Variants in PDK1 observed in about 807,000 individuals in gnomAD.
PDK1 encodes the protein [Pyruvate dehydrogenase (acetyl-transferring)] kinase isozyme 1, mitochondrial.
PDK1 carries 39 observed loss-of-function variants against 54.2 expected under a neutral mutation model. That is an observed-to-expected ratio of 0.72 (90% CI 0.56 to 0.94). PDK1 has a LOEUF of 0.94. PDK1 is among the 40% of genes least tolerant of loss of function. The pLI, the probability that PDK1 is intolerant of heterozygous loss-of-function variation, is 0.00. For missense variants in PDK1, 552 were observed against 566.0 expected, an observed-to-expected ratio of 0.98 and a Z score of 0.25; for synonymous variants, 221 against 207.1, an observed-to-expected ratio of 1.07 and a Z score of -0.58.
chr2:172,706,537 C>T, the PDK1 span, among the ~76,000 whole-genome samples: 5 of 152,014 alleles, frequency 3.3e-5, no homozygotes, highest in Admixed American at 2.6e-4. Flanking sequence ...GTGATCCTCC[C>T]ACTTCAGTAT....
Position 172,556,118 on chromosome 2 carries a change from G to T in PDK1, c.-33G>T. 7.3e-7 allele frequency: 1 copy of T among 1,363,482 alleles called. No individual in the cohort carries two copies. Among genetic ancestry groups the T allele is most frequent in the Admixed American group, 3.9e-5 (1 of 25,818 alleles). The allele number at this position is 1,363,482 out of a possible 1,614,324, so 84.5% of individuals were successfully genotyped here. On this transcript the variant is annotated 5_prime_UTR_variant, in exon 1 of 11. Transcript: ENST00000282077. ...CGGCAGAGGCGCGGGGAAACCTGGC[G>T]TACTGGCTGTGGCTTCTCTAGCGGG...
At chr2:172,654,495 C>T in the PDK1 span, among the ~76,000 whole-genome samples, 1 of 151,280 alleles carries the variant, frequency 6.6e-6, no homozygotes, top group Non-Finnish European at 1.5e-5. Flanking sequence ...TCATTCTGAG[C>T]AAACTATCGC....
intron 6 of PDK1, among the ~76,000 whole-genome samples, chr2:172,568,327 C>CAAAAAAAA (rs11400625): frequency 1.8e-5 from 1 of 57,102 alleles, no homozygotes; most frequent in African/African-American, 6.4e-5. Context: ...GACTCCGTCT[C>CAAAAAAAA]AAAAAAAAAA....
the PDK1 span, among the ~76,000 whole-genome samples, chr2:172,711,071 GCATCCTCTTTAAGC>G: frequency 6.6e-6 from 1 of 152,192 alleles, no homozygotes; most frequent in Non-Finnish European, 1.5e-5. Context: ...AGCTTAGAGA[GCATCCTCTTTAAGC>G]CTAGATTGGA....
the PDK1 span, among the ~76,000 whole-genome samples, chr2:172,621,669 T>C: frequency 6.8e-6 from 1 of 148,126 alleles, no homozygotes. Flanking sequence ...ATATATATGA[T>C]ATATGTTTAT....
At chr2:172,648,614 A>G in the PDK1 span, among the ~76,000 whole-genome samples, 2 of 152,168 alleles carry the variant, frequency 1.3e-5, no homozygotes, top group African/African-American at 2.4e-5. Flanking sequence ...GGTACCTGGA[A>G]AATCAGGACA....
intron 8 of PDK1, among the ~76,000 whole-genome samples, chr2:172,583,478 G>C (rs35240579): frequency 6.6e-6 from 1 of 151,648 alleles, no homozygotes; most frequent in Non-Finnish European, 1.5e-5. Flanking sequence ...ATTTTTAGTA[G>C]AGACAGGGTT....
the PDK1 span, among the ~76,000 whole-genome samples, chr2:172,661,346 C>A: frequency 6.6e-6 from 1 of 152,086 alleles, no homozygotes. Context: ...ATATTGAAAA[C>A]AAAGGTAATA....
At chr2:172,665,417 T>C in the PDK1 span, among the ~76,000 whole-genome samples, 2 of 152,192 alleles carry the variant, frequency 1.3e-5, no homozygotes, top group African/African-American at 4.8e-5. Context: ...GAATGAGAAA[T>C]TATGTTCTGA....
the PDK1 span, among the ~76,000 whole-genome samples, chr2:172,632,139 C>G: frequency 1.3e-5 from 2 of 151,724 alleles, no homozygotes; most frequent in African/African-American, 4.8e-5. Flanking sequence ...CTGGGCATGG[C>G]AGCCTGTAAT....
At chr2:172,673,292 G>A in the PDK1 span, among the ~76,000 whole-genome samples, 9,573 of 152,178 alleles carry the variant, frequency 0.063, 1,026 homozygotes, top group East Asian at 0.53. Context: ...GGAGTTGTAC[G>A]CATGTTCAAT....
the PDK1 span, among the ~76,000 whole-genome samples, chr2:172,652,047 A>G: frequency 6.6e-6 from 1 of 152,232 alleles, no homozygotes; most frequent in East Asian, 1.9e-4. Flanking sequence ...ATCCCTGATG[A>G]ACATCGATGC....
chr2:172,703,174 G>A, the PDK1 span, among the ~76,000 whole-genome samples: 2 of 152,112 alleles, frequency 1.3e-5, no homozygotes, highest in East Asian at 3.9e-4. Flanking sequence ...TGAGAGTGCT[G>A]CAGCCACAAG....
chr2:172,699,864 G>A, the PDK1 span, among the ~76,000 whole-genome samples: 1 of 151,980 alleles, frequency 6.6e-6, no homozygotes, highest in African/African-American at 2.4e-5. Context: ...ATAAACATGT[G>A]AACAAAGGTC....
chr2:172,611,366 AAAT>A (rs1326033018), downstream of PDK1, among the ~76,000 whole-genome samples: 8 of 152,300 alleles, frequency 5.3e-5, no homozygotes, highest in Admixed American at 3.3e-4. Flanking sequence ...TTTAACCACT[AAAT>A]AAATTGAATT....
chr2:172,652,206 A>G, the PDK1 span, among the ~76,000 whole-genome samples: 5 of 152,218 alleles, frequency 3.3e-5, no homozygotes, highest in African/African-American at 1.2e-4. Flanking sequence ...AAACAGAACC[A>G]AAGACAAAAA....
chr2:172,557,315 A>G (rs1453086318), intron 1 of PDK1, among the ~76,000 whole-genome samples: 2 of 152,326 alleles, frequency 1.3e-5, no homozygotes, highest in Admixed American at 1.3e-4. Flanking sequence ...ACTGTTGACA[A>G]TCTAGTTTTT....
At chr2:172,623,240 G>A in the PDK1 span, among the ~76,000 whole-genome samples, 4 of 152,026 alleles carry the variant, frequency 2.6e-5, no homozygotes, top group Non-Finnish European at 4.4e-5. Context: ...GCAGTGTGAT[G>A]CCATAGTGGA....
chr2:172,665,008 C>T, the PDK1 span, among the ~76,000 whole-genome samples: 3 of 152,172 alleles, frequency 2.0e-5, no homozygotes, highest in East Asian at 5.8e-4. Flanking sequence ...ATTGCAAAGT[C>T]CAGGTCTTTG....
Sources: allele counts gnomAD v4.1 joint callset (sites outside exome capture counted in the v4.1 genomes callset), GRCh38; gene constraint gnomAD v4.1.1; transcripts MANE v1.5; gene names NCBI Gene and HGNC (gene_info 2026-07-23, HGNC 2026-07-21).